Variants in FPR3 observed in about 807,000 individuals in gnomAD.
FPR3 encodes formyl peptide receptor 3.
For missense variants in FPR3, 346 were observed against 443.2 expected (o/e 0.78, Z 1.97); for synonymous variants, 135 against 163.6 (o/e 0.83, Z 1.34).
chr19:51,813,157 CACA>C (rs1424656052), intron 1 of FPR3, among the ~76,000 whole-genome samples: 2 of 149,824 alleles, frequency 1.3e-5, no homozygotes, highest in Non-Finnish European at 3.0e-5. Context: ...CACACACACA[CACA>C]CCCCATAAAT....
intron 1 of FPR3, among the ~76,000 whole-genome samples, chr19:51,799,141 C>T (rs1684103663): frequency 6.6e-6 from 1 of 152,228 alleles, no homozygotes; most frequent in East Asian, 1.9e-4. Flanking sequence ...AAGTGCGCCA[C>T]ACCCCACTCC....
intron 1 of FPR3, among the ~76,000 whole-genome samples, chr19:51,802,452 G>A (rs1212413871): frequency 6.6e-6 from 1 of 152,180 alleles, no homozygotes; most frequent in Admixed American, 6.5e-5. Context: ...TCAAGGATGA[G>A]TGGATGAAGT....
intron 1 of FPR3, among the ~76,000 whole-genome samples, chr19:51,799,503 A>G (rs181320348): frequency 6.6e-6 from 1 of 152,246 alleles, no homozygotes; most frequent in Admixed American, 6.5e-5. Flanking sequence ...CACAATCCCA[A>G]TGTCTGTGTG....
intron 1 of FPR3, among the ~76,000 whole-genome samples, chr19:51,820,699 T>G (rs573596492): frequency 6.6e-6 from 1 of 152,214 alleles, no homozygotes; most frequent in South Asian, 2.1e-4. Flanking sequence ...TGGGAGAGGG[T>G]TAACCATACA....
chr19:51,817,517 T>G (rs77054332), intron 1 of FPR3, among the ~76,000 whole-genome samples: 7 of 73,178 alleles, frequency 9.6e-5, no homozygotes, highest in African/African-American at 3.2e-4. Context: ...ATCTGTTTTG[T>G]TTTTTTTTTT....
At position 51,824,197 on chromosome 19, in the gene FPR3, G is replaced by A; in HGVS notation, c.449G>A (p.Trp150Ter). The A allele has an allele frequency of 1.9e-6, 3 of 1,614,144 alleles. No homozygotes were observed. Among genetic ancestry groups the A allele is most frequent in the Non-Finnish European group, 2.5e-6 (3 of 1,180,014 alleles). Reference protein sequence around the residue: ...SLAKRVMTGLWIFTIVLTLPN... With the variant: ...SLAKRVMTGL ...GCCAAGAGGGTGATGACGGGACTCT[G>A]GATTTTCACCATAGTCCTTACCTTA... Residue 150 changes from tryptophan (W) to a stop codon, truncating the protein, a stop_gained, in exon 2 of 2, where the codon TGG becomes TAG. Coordinates refer to ENST00000339223, the MANE Select transcript of FPR3 (RefSeq NM_002030.5). LOFTEE classifies it low-confidence loss of function (END_TRUNC). This position sits in a 1 kb window ranked among gnomAD's most constrained non-coding sequence, Gnocchi z 4.7.
At chr19:51,815,089 C>T (rs1307235704) in intron 1 of FPR3, among the ~76,000 whole-genome samples, 2 of 152,092 alleles carry the variant, frequency 1.3e-5, no homozygotes, top group Non-Finnish European at 2.9e-5. Context: ...GGATTGCAGG[C>T]GCGAGCCACC....
intron 1 of FPR3, among the ~76,000 whole-genome samples, chr19:51,809,801 C>T (rs1269829048): frequency 6.6e-6 from 1 of 152,164 alleles, no homozygotes; most frequent in Non-Finnish European, 1.5e-5. Flanking sequence ...GAGATCTAAT[C>T]CTGCACTCCT....
intron 1 of FPR3, among the ~76,000 whole-genome samples, chr19:51,813,409 ATATTTT>A (rs372244495): frequency 1.8e-4 from 28 of 151,868 alleles, no homozygotes; most frequent in African/African-American, 4.6e-4. Flanking sequence ...AACCTCATTT[ATATTTT>A]TATTTTTATT....
chr19:51,807,141 C>T (rs568920735), intron 1 of FPR3, among the ~76,000 whole-genome samples: 14 of 152,264 alleles, frequency 9.2e-5, no homozygotes, highest in African/African-American at 3.4e-4. Context: ...CAGGGGGCAG[C>T]TTGCCTCTAG....
intron 1 of FPR3, among the ~76,000 whole-genome samples, chr19:51,797,436 G>T (rs2084006602): frequency 6.6e-6 from 1 of 152,032 alleles, no homozygotes; most frequent in Non-Finnish European, 1.5e-5. Context: ...GAGGGGGCGT[G>T]ATTATGTGAT....
chr19:51,807,079 G>A (rs1568428234), intron 1 of FPR3, among the ~76,000 whole-genome samples: 3 of 152,322 alleles, frequency 2.0e-5, no homozygotes, highest in East Asian at 1.9e-4. Flanking sequence ...CAAAGGGGAC[G>A]AGCGTGGGAA....
intron 1 of FPR3, among the ~76,000 whole-genome samples, chr19:51,814,608 C>A (rs1019236069): frequency 6.6e-6 from 1 of 152,040 alleles, no homozygotes; most frequent in African/African-American, 2.4e-5. Flanking sequence ...ATTCTCCTGC[C>A]GCAGTCTCCT....
At chr19:51,816,984 T>C (rs1191663572) in intron 1 of FPR3, among the ~76,000 whole-genome samples, 1 of 152,172 alleles carries the variant, frequency 6.6e-6, no homozygotes, top group Non-Finnish European at 1.5e-5. Context: ...TTTGTTTCAT[T>C]TCCCTGAATC....
At chr19:51,813,340 G>T (rs982135364) in intron 1 of FPR3, among the ~76,000 whole-genome samples, 2 of 151,962 alleles carry the variant, frequency 1.3e-5, no homozygotes, top group Non-Finnish European at 2.9e-5. Context: ...CTACCTATGA[G>T]GGCAGAACAA....
In FPR3 at chr19:51,818,160, G is replaced by A. The variant is rs1170919121; in HGVS notation, c.-10-5579G>A. ...CTATTTTTCTCATTTAACCTTAAGTGTGCTATAAATATAAAATGCATCTCA... is the reference window on the plus strand; with the variant it reads ...CTATTTTTCTCATTTAACCTTAAGTATGCTATAAATATAAAATGCATCTCA... On this transcript the variant is annotated intron_variant, in intron 1 of 1. Coordinates refer to ENST00000339223, the MANE Select transcript of FPR3 (RefSeq NM_002030.5). Among the ~76,000 whole-genome samples, 6 of 152,226 alleles carry A rather than the reference G, an allele frequency of 3.9e-5. No individual in the cohort carries two copies. In the East Asian group the frequency reaches 1.2e-3, roughly 29 times the overall value.
At chr19:51,799,554 C>T (rs558785465) in intron 1 of FPR3, among the ~76,000 whole-genome samples, 92 of 152,326 alleles carry the variant, frequency 6.0e-4, no homozygotes, top group African/African-American at 1.9e-3. Flanking sequence ...ACAGCCCAGT[C>T]GGTCTGGCCC....
At chr19:51,798,035 C>A (rs1477523785) in intron 1 of FPR3, among the ~76,000 whole-genome samples, 1 of 151,908 alleles carries the variant, frequency 6.6e-6, no homozygotes, top group African/African-American at 2.4e-5. Context: ...TAATCCTCCC[C>A]TGAAAATCAG....
intron 1 of FPR3, among the ~76,000 whole-genome samples, chr19:51,809,920 C>T (rs543714571): frequency 6.6e-6 from 1 of 152,054 alleles, no homozygotes. Flanking sequence ...TGGGTCCAGG[C>T]CCCCATCTCA....
Sources: allele counts gnomAD v4.1 joint callset (sites outside exome capture counted in the v4.1 genomes callset), GRCh38; gene constraint gnomAD v4.1.1; non-coding constraint Gnocchi (gnomAD v3.1); transcripts MANE v1.5; gene names NCBI Gene and HGNC (gene_info 2026-07-23, HGNC 2026-07-21).